PNPLA2: variants seen among roughly 807,000 people sequenced by gnomAD.
The protein encoded by PNPLA2 is patatin-like phospholipase domain-containing protein 2.
A neutral mutation model predicts 39.7 loss-of-function variants in PNPLA2; 28 were observed. The ratio of observed to expected loss-of-function variants is 0.70; its 90% confidence interval spans 0.52 to 0.97. The LOEUF (loss-of-function observed/expected upper bound fraction) is 0.97, where lower values mean the gene tolerates loss of function less well. Ranked by LOEUF, PNPLA2 falls within the 50% of genes least tolerant of loss-of-function variation. The pLI is 0.00. For synonymous variants in PNPLA2, 392 were observed against 321.1 expected (o/e 1.22, Z -2.36); for missense variants, 768 against 698.2 (o/e 1.10, Z -1.13).
At position 819,815 on chromosome 11, in the gene PNPLA2, G is replaced by T; in HGVS notation, c.97G>T (p.Ala33Ser). 1 of 1,498,506 alleles carries T rather than the reference G, an allele frequency of 6.7e-7. No individual in the cohort carries two copies. Among genetic ancestry groups the T allele is most frequent in the Non-Finnish European group, 8.9e-7 (1 of 1,124,760 alleles). The allele number at this position is 1,498,506 out of a possible 1,614,324, so 92.8% of individuals were successfully genotyped here. ...VGVASCLREHAPFLVANATHI... is the reference protein window; with the variant it reads ...VGVASCLREHSPFLVANATHI... ...CGTGGCCTCCTGCCTCCGCGAGCAC[G>T]CGCCCTTCCTGGTGGCCAACGCCAC... The change falls in exon 2 of 10, where the codon GCG becomes TCG. Residue 33 changes from alanine to serine, a missense_variant. Transcript: ENST00000336615.
rs761556773 is a variant in PNPLA2, at chr11:822,406, GATGGT to G, written c.497_501del (p.Asp166GlyfsTer10). 2 of 1,613,788 alleles carry G rather than the reference GATGGT, an allele frequency of 1.2e-6. No individual in the cohort carries two copies. Among genetic ancestry groups the G allele is most frequent in the Non-Finnish European group, 1.7e-6 (2 of 1,179,870 alleles). On this transcript the variant is annotated frameshift_variant, in exon 5 of 10. Coordinates refer to ENST00000336615, the MANE Select transcript of PNPLA2 (RefSeq NM_020376.4). LOFTEE classifies it high-confidence loss of function. ...GTGTGTCCCGTGGAAGCGCTACGTG[GATGGT>G]GGCATTTCAGACAACCTGCCACTCT...
rs748057424 is a variant in PNPLA2, at chr11:822,038, C to T, written c.486+15C>T. The T allele has an allele frequency of 3.1e-6, 5 of 1,611,104 alleles. No individual in the cohort carries two copies. Among genetic ancestry groups the T allele is most frequent in the South Asian group, 1.1e-5 (1 of 91,026 alleles). On this transcript the variant is annotated intron_variant, in intron 4 of 9. Coordinates refer to ENST00000336615, the MANE Select transcript of PNPLA2 (RefSeq NM_020376.4). Reference sequence around the variant, plus strand: ...TCCAGGGGGTGGTGAGTATTCCTAGCCCTGGACACCTTCTATGGGGTGGGC... The same window carrying T: ...TCCAGGGGGTGGTGAGTATTCCTAGTCCTGGACACCTTCTATGGGGTGGGC...
At position 822,389 on chromosome 11, in the gene PNPLA2, C is replaced by A; in HGVS notation, c.487-8C>A. On this transcript the variant is annotated splice_polypyrimidine_tract_variant and splice_region_variant and intron_variant, in intron 4 of 9. Transcript: ENST00000336615. ...CACATACGGTCCTGTCTGTGTGTCC[C>A]GTGGAAGCGCTACGTGGATGGTGGC... The A allele has an allele frequency of 6.2e-7, 1 of 1,612,574 alleles. No individual in the cohort carries two copies. Among genetic ancestry groups the A allele is most frequent in the Non-Finnish European group, 8.5e-7 (1 of 1,178,900 alleles).
rs965541300 is a variant in PNPLA2 at position 822,176 on chromosome 11, G to A, written c.486+153G>A. 41 of 787,408 alleles carry A rather than the reference G, an allele frequency of 5.2e-5. 1 individual carries two copies. Among genetic ancestry groups the A allele is most frequent in the Admixed American group, 1.4e-4 (7 of 49,452 alleles). The allele number at this position is 787,408 out of a possible 1,614,324, so 48.8% of individuals were successfully genotyped here. A position where few individuals can be genotyped will look rare whatever the true frequency, so the allele number is the denominator to read the frequency against. The stretch of plus-strand genomic sequence containing the variant: ...TTACTCAAGAAACAGCTGTGGCAAC[G>A]CACGCTTCCTGGCCCCCCATCCCTT... On this transcript the variant is annotated intron_variant, in intron 4 of 9. Transcript: ENST00000336615.
chr11:824,141 TG>T lies in PNPLA2; in HGVS notation c.1052+17del, dbSNP rs763436295. On this transcript the variant is annotated intron_variant, in intron 8 of 9. Transcript: ENST00000336615. ...GTCCTTCACCATCCGGTGTGAGGGCTGGGGGGTCGGGAGAGGGGCCCAGGGG... is the reference window on the plus strand; with the variant it reads ...GTCCTTCACCATCCGGTGTGAGGGCTGGGGGTCGGGAGAGGGGCCCAGGGG... 1.0e-5 allele frequency: 16 copies of T among 1,588,454 alleles called. No individual in the cohort carries two copies. Among genetic ancestry groups the T allele is most frequent in the Admixed American group, 1.8e-5 (1 of 56,744 alleles).
chr11:824,591 A>C lies in PNPLA2; in HGVS notation c.1244A>C (p.Tyr415Ser). The stretch of plus-strand genomic sequence containing the variant: ...TCCGTGCCGCTGTCCTGCGCCGCCT[A>C]CAGAGAGGCACTGCCCGGCTGGATG... ...LPSVPLSCAA[Y>S]REALPGWMRN... The change falls in exon 10 of 10, where the codon TAC becomes TCC. Residue 415 changes from tyrosine to serine, a missense_variant. Tyr to Ser is a moderately radical substitution (Grantham distance 144). Coordinates refer to ENST00000336615, the MANE Select transcript of PNPLA2 (RefSeq NM_020376.4). 6.3e-7 allele frequency: 1 copy of C among 1,586,360 alleles called. No homozygotes were observed. The highest frequency in any genetic ancestry group is 8.5e-7 in the Non-Finnish European group (1 of 1,171,206).
At position 824,024 on chromosome 11, in the gene PNPLA2, A is replaced by T. The variant is rs769476823; in HGVS notation, c.946A>T (p.Thr316Ser). The T allele has an allele frequency of 2.5e-6, 4 of 1,610,054 alleles. No homozygotes were observed. The South Asian group carries it at 4.4e-5, about 18-fold the overall frequency. ...EALLEACVEPTDLLTTLSNML... is the reference protein window; with the variant it reads ...EALLEACVEPSDLLTTLSNML... The stretch of plus-strand genomic sequence containing the variant: ...CCTGCTGGAGGCCTGCGTGGAGCCC[A>T]CGGACCTGCTGACCACCCTCTCCAA... The change falls in exon 8 of 10, where the codon ACG becomes TCG. Residue 316 changes from threonine to serine, a missense_variant. Thr to Ser is a moderately conservative substitution (Grantham distance 58). Transcript: ENST00000336615.
At position 824,874 on chromosome 11, in the gene PNPLA2, T is replaced by C. The variant is rs1250943666; in HGVS notation, c.*12T>C. 1 of 1,529,390 alleles carries C rather than the reference T, an allele frequency of 6.5e-7. No homozygotes were observed. The highest frequency in any genetic ancestry group is 8.8e-7 in the Non-Finnish European group (1 of 1,141,464). 94.7% of individuals were successfully genotyped at this position (1,529,390 alleles called of 1,614,324 possible). A position where few individuals can be genotyped will look rare whatever the true frequency, so the allele number is the denominator to read the frequency against. ...CCCTGGGGCTGTGAGACCCCGACCC[T>C]CTCGAGGAACCCTGCCTGAGACGCC... On this transcript the variant is annotated 3_prime_UTR_variant, in exon 10 of 10. Transcript: ENST00000336615.
chr11:820,697 C>T (rs183762229), intron 2 of PNPLA2: 7 of 152,438 alleles, frequency 4.6e-5, no homozygotes, highest in Non-Finnish European at 7.3e-5. Flanking sequence ...CTCACCCCTG[C>T]CCTCTTCCTC....
chr11:819,570 G>T lies in PNPLA2; in HGVS notation c.-145-4G>T. 2 of 1,289,284 alleles carry T rather than the reference G, an allele frequency of 1.6e-6. No homozygotes were observed. Among genetic ancestry groups the T allele is most frequent in the Non-Finnish European group, 9.9e-7 (1 of 1,014,972 alleles). The allele number at this position is 1,289,284 out of a possible 1,614,324, so 79.9% of individuals were successfully genotyped here. ...AAAGCGCCGCCTCCGCGCCGCCCGC[G>T]TAGCTTCTTCGCCTCCGCCAGCGGG... On this transcript the variant is annotated splice_polypyrimidine_tract_variant and splice_region_variant and intron_variant, in intron 1 of 9. Transcript: ENST00000336615.
intron 7 of PNPLA2, 29 bp downstream of exon 7, chr11:823,884 A>G: frequency 6.4e-7 from 1 of 1,561,402 alleles, no homozygotes. Flanking sequence ...GGAGGGGAGG[A>G]GGGGAGGCAG....
intron 5 of PNPLA2, 70 bp downstream of exon 5, chr11:822,676 C>T: frequency 7.7e-7 from 1 of 1,302,296 alleles, no homozygotes; most frequent in Non-Finnish European, 1.1e-6. Context: ...GAACACTGAT[C>T]CTTTGACTTC....
chr11:819,663 C>A lies in PNPLA2; in HGVS notation c.-56C>A, dbSNP rs1007623374. On this transcript the variant is annotated 5_prime_UTR_variant, in exon 2 of 10. Coordinates refer to ENST00000336615, the MANE Select transcript of PNPLA2 (RefSeq NM_020376.4). ...CTCCAGCGAGCGAGCGGCGAGCAGG[C>A]GGCTCACAGAGGCCTGGCCGCCCAC... is the stretch of plus-strand genomic sequence containing the variant. 7.3e-5 allele frequency: 104 copies of A among 1,421,678 alleles called. No homozygotes were observed. Among genetic ancestry groups the A allele is most frequent in the Non-Finnish European group, 9.3e-5 (101 of 1,080,426 alleles). 88.1% of individuals were successfully genotyped at this position (1,421,678 alleles called of 1,614,324 possible). A position where few individuals can be genotyped will look rare whatever the true frequency, so the allele number is the denominator to read the frequency against.
intron 8 of PNPLA2, 36 bp from the exon 9 acceptor site, chr11:824,278 C>T (rs1484324951): frequency 6.5e-7 from 1 of 1,549,650 alleles, no homozygotes. Flanking sequence ...GTGGGTCTGG[C>T]CAAGTCCCTG....
intron 2 of PNPLA2, 73 bp from the exon 3 acceptor site, chr11:821,555 A>T: frequency 9.5e-7 from 1 of 1,051,012 alleles, no homozygotes; most frequent in Non-Finnish European, 1.5e-6. Flanking sequence ...AACCCTGGAC[A>T]TGGGGCTATG....
chr11:819,586 CG>C lies in PNPLA2; in HGVS notation c.-132del. 1 of 1,279,972 alleles carries C rather than the reference CG, an allele frequency of 7.8e-7. No individual in the cohort carries two copies. 79.3% of individuals were successfully genotyped at this position (1,279,972 alleles called of 1,614,324 possible). On this transcript the variant is annotated 5_prime_UTR_variant, in exon 2 of 10. Coordinates refer to ENST00000336615, the MANE Select transcript of PNPLA2 (RefSeq NM_020376.4). Reference sequence around the variant, plus strand: ...GCCGCCCGCGTAGCTTCTTCGCCTCCGCCAGCGGGGACCCCGAGCTAGAGCC... The same window carrying C: ...GCCGCCCGCGTAGCTTCTTCGCCTCCCCAGCGGGGACCCCGAGCTAGAGCC...
At chr11:821,582 G>A (rs778227847) in intron 2 of PNPLA2, 46 bp from the exon 3 acceptor site, 1 of 1,401,662 alleles carries the variant, frequency 7.1e-7, no homozygotes, top group Non-Finnish European at 1.0e-6. Flanking sequence ...GGTGGGTGTT[G>A]CTAAGCCCAG....
At position 824,908 on chromosome 11, in the gene PNPLA2, C is replaced by T. The variant is rs1289833459; in HGVS notation, c.*46C>T. The T allele has an allele frequency of 4.9e-6, 7 of 1,427,784 alleles. No individual in the cohort carries two copies. In the East Asian group the frequency reaches 9.9e-5, roughly 20 times the overall value. The allele number at this position is 1,427,784 out of a possible 1,614,324, so 88.4% of individuals were successfully genotyped here. A position where few individuals can be genotyped will look rare whatever the true frequency, so the allele number is the denominator to read the frequency against. On this transcript the variant is annotated 3_prime_UTR_variant, in exon 10 of 10. Coordinates refer to ENST00000336615, the MANE Select transcript of PNPLA2 (RefSeq NM_020376.4). Reference sequence around the variant, plus strand: ...ACCCTGCCTGAGACGCCTCCATTACCACTGCGCAGTGAGATGAGGGGACTC... The same window carrying T: ...ACCCTGCCTGAGACGCCTCCATTACTACTGCGCAGTGAGATGAGGGGACTC...
Position 824,799 on chromosome 11 carries a change from T to TGCCC in PNPLA2, c.1453_1456dup (p.Pro486ArgfsTer67). 2 of 1,533,834 alleles carry TGCCC rather than the reference T, an allele frequency of 1.3e-6. No individual in the cohort carries two copies. ...CCCCGCAGCACCAGCTGGCCGGGCC[T>TGCCC]GCCCCCTTGCTGAGCACCCCTGCTC... On this transcript the variant is annotated frameshift_variant, in exon 10 of 10. Transcript: ENST00000336615. LOFTEE classifies it low-confidence loss of function (END_TRUNC).
Sources: allele counts gnomAD v4.1 joint callset, GRCh38; gene constraint gnomAD v4.1.1; transcripts MANE v1.5; gene names NCBI Gene and HGNC (gene_info 2026-07-23, HGNC 2026-07-21).